The following ULK4 variants were observed in gnomAD, a reference collection of about 807,000 sequenced individuals.
ULK4 encodes the protein unc-51 like kinase 4.
In ULK4, 133 loss-of-function variants were observed where a neutral mutation model predicts 160.6. The ratio of observed to expected loss-of-function variants is 0.83; its 90% confidence interval spans 0.72 to 0.96. The LOEUF (loss-of-function observed/expected upper bound fraction) is 0.96. Among genes scored for constraint, ULK4 ranks in the 40% least tolerant of loss-of-function variants. The probability of loss-of-function intolerance (pLI) is 0.00; values close to 1 mark genes in which losing one functional copy is unlikely to be tolerated. For synonymous variants in ULK4, 534 were observed against 539.8 expected, an observed-to-expected ratio of 0.99 and a Z score of 0.15; for missense variants, 1,580 against 1,499.5, an observed-to-expected ratio of 1.05 and a Z score of -0.89.
intron 32 of ULK4, among the ~76,000 whole-genome samples, chr3:41,551,678 A>G (rs898896607): frequency 2.0e-5 from 3 of 152,078 alleles, no homozygotes; most frequent in Admixed American, 6.6e-5. Context: ...TCACTGCCCA[A>G]TTCTACCAAA....
At chr3:41,425,679 T>C (rs1234584913) in intron 34 of ULK4, among the ~76,000 whole-genome samples, 1 of 152,130 alleles carries the variant, frequency 6.6e-6, no homozygotes, top group East Asian at 1.9e-4. Flanking sequence ...CTGGCCAGAC[T>C]AAGCTCATAA....
At chr3:41,847,653 A>G (rs1343424364) in intron 17 of ULK4, among the ~76,000 whole-genome samples, 1 of 152,226 alleles carries the variant, frequency 6.6e-6, no homozygotes, top group Non-Finnish European at 1.5e-5. Context: ...GTGGTTTCTT[A>G]GAACACTACT....
Position 41,838,347 on chromosome 3 carries a change from A to C in ULK4, c.1657-2376T>G, listed in dbSNP as rs529621059. Among the ~76,000 whole-genome samples the C allele has an allele frequency of 2.6e-5, 4 of 152,318 alleles. No homozygotes were observed. In the South Asian group the frequency reaches 8.3e-4, roughly 32 times the overall value. On this transcript the variant is annotated intron_variant, in intron 17 of 36. Coordinates refer to ENST00000301831, the MANE Select transcript of ULK4 (RefSeq NM_017886.4). ...ACATTTAGAGAATACATTCAAGATAATTATATAAAAATGAGAGAGGGTAAA... is the reference window on the plus strand; with the variant it reads ...ACATTTAGAGAATACATTCAAGATACTTATATAAAAATGAGAGAGGGTAAA...
At chr3:41,659,863 G>A (rs2035083168) in intron 30 of ULK4, among the ~76,000 whole-genome samples, 1 of 152,060 alleles carries the variant, frequency 6.6e-6, no homozygotes, top group Non-Finnish European at 1.5e-5. Flanking sequence ...CCATGCAATG[G>A]AAGATCTTAC....
At chr3:41,855,382 C>G (rs1038949105) in intron 17 of ULK4, among the ~76,000 whole-genome samples, 1 of 152,092 alleles carries the variant, frequency 6.6e-6, no homozygotes, top group Non-Finnish European at 1.5e-5. Context: ...GTGGCAGGTC[C>G]CCACTTCTGT....
Position 41,362,912 on chromosome 3 carries a change from C to T in ULK4, c.3678+35167G>A, listed in dbSNP as rs566207987. Among the ~76,000 whole-genome samples, 4 of 152,366 alleles carry T rather than the reference C, an allele frequency of 2.6e-5. No homozygotes were observed. In the South Asian group the frequency reaches 6.2e-4, roughly 24 times the overall value. On this transcript the variant is annotated intron_variant, in intron 35 of 36. Transcript: ENST00000301831. ...AGACCCAGGCACCAAGAGAGCAGAG[C>T]CCTGATCTGGCTGCACTGTTCCTGG...
intron 31 of ULK4, among the ~76,000 whole-genome samples, chr3:41,587,359 G>A (rs1008719174): frequency 6.6e-6 from 1 of 152,114 alleles, no homozygotes; most frequent in African/African-American, 2.4e-5. Context: ...AGGCCCACCT[G>A]CATAATCTCC....
chr3:41,789,470 T>C (rs2040086851), intron 21 of ULK4, among the ~76,000 whole-genome samples, 191 bp downstream of exon 21: 1 of 152,228 alleles, frequency 6.6e-6, no homozygotes, highest in African/African-American at 2.4e-5. Context: ...AAAGAATTTC[T>C]ATTTTAATCA....
At chr3:41,802,502 T>C (rs1185729164) in intron 19 of ULK4, among the ~76,000 whole-genome samples, 1 of 152,148 alleles carries the variant, frequency 6.6e-6, no homozygotes, top group Non-Finnish European at 1.5e-5. Context: ...TCTCACTCTG[T>C]TGCCCAGGCT....
At chr3:41,398,387 ACT>A in intron 34 of ULK4, 123 bp from the exon 35 acceptor site, 2 of 928,918 alleles carry the variant, frequency 2.2e-6, no homozygotes, top group East Asian at 5.7e-5. Context: ...ATACTTTTTT[ACT>A]TTTTTTTTTT....
intron 14 of ULK4, among the ~76,000 whole-genome samples, chr3:41,897,385 T>C (rs1698197399): frequency 6.6e-6 from 1 of 152,142 alleles, no homozygotes; most frequent in Non-Finnish European, 1.5e-5. Context: ...CCTACAGTTC[T>C]TAAAAAGTTC....
At chr3:41,939,442 G>A (rs1404834794) in intron 2 of ULK4, among the ~76,000 whole-genome samples, 1 of 152,006 alleles carries the variant, frequency 6.6e-6, no homozygotes, top group Non-Finnish European at 1.5e-5. Context: ...ATACAGGCAT[G>A]AGCCACTGTG....
At chr3:41,638,284 TC>T (rs534143775) in intron 30 of ULK4, among the ~76,000 whole-genome samples, 55 of 152,310 alleles carry the variant, frequency 3.6e-4, no homozygotes, top group African/African-American at 1.3e-3. Context: ...CCTTTTCATG[TC>T]CTTTGTCCAT....
chr3:41,413,439 A>C (rs1348139478), intron 34 of ULK4, among the ~76,000 whole-genome samples: 1 of 152,246 alleles, frequency 6.6e-6, no homozygotes, highest in African/African-American at 2.4e-5. Context: ...ATGAATGACA[A>C]AAGGAAAAAT....
intron 21 of ULK4, among the ~76,000 whole-genome samples, chr3:41,763,398 T>C (rs948383167): frequency 1.3e-5 from 2 of 151,722 alleles, no homozygotes; most frequent in Non-Finnish European, 2.9e-5. Flanking sequence ...ATGAACAAAA[T>C]AGATAACTTA....
chr3:41,769,865 T>TCTCAAGG (rs2039295235), intron 21 of ULK4, among the ~76,000 whole-genome samples: 1 of 152,172 alleles, frequency 6.6e-6, no homozygotes, highest in Non-Finnish European at 1.5e-5. Context: ...TCTGCTTCAA[T>TCTCAAGG]GGTCAAAGCT....
intron 30 of ULK4, among the ~76,000 whole-genome samples, chr3:41,642,902 A>T (rs28879080): frequency 0.25 from 38,055 of 152,028 alleles, 5,460 homozygotes; most frequent in African/African-American, 0.39. Flanking sequence ...GTGAGATGGT[A>T]TCTCATTGTG....
At chr3:41,907,623 G>GTA (rs1288552555) in intron 12 of ULK4, among the ~76,000 whole-genome samples, 1 of 152,058 alleles carries the variant, frequency 6.6e-6, no homozygotes, top group African/African-American at 2.4e-5. Flanking sequence ...AAATTGTATG[G>GTA]TATGTCAACT....
intron 35 of ULK4, among the ~76,000 whole-genome samples, chr3:41,305,485 G>C (rs1252498368): frequency 2.0e-5 from 3 of 152,270 alleles, no homozygotes; most frequent in South Asian, 4.1e-4. Context: ...GCCTCCCGAG[G>C]TGCCGGGATT....
Sources: gnomAD v4.1 joint callset for allele counts (sites outside exome capture counted in the v4.1 genomes callset) on GRCh38, gnomAD v4.1.1 for gene constraint, MANE v1.5 for transcripts, NCBI Gene and HGNC (gene_info 2026-07-23, HGNC 2026-07-21) for gene names.